EPHA5: variants seen among roughly 807,000 people sequenced by gnomAD.
EPHA5 encodes the protein ephrin type-A receptor 5.
Under a neutral mutation model 105.0 loss-of-function variants are expected in EPHA5, and 60 were observed. That is an observed-to-expected ratio of 0.57 (90% CI 0.46 to 0.71). The LOEUF is 0.71. EPHA5 is among the 30% of genes least tolerant of loss of function. The pLI, the probability that EPHA5 is intolerant of heterozygous loss-of-function variation, is 0.00. For missense variants in EPHA5, 1,218 were observed against 1,274.7 expected (o/e 0.96, Z 0.68); for synonymous variants, 513 against 449.1 (o/e 1.14, Z -1.80).
intron 3 of EPHA5, among the ~76,000 whole-genome samples, chr4:65,508,463 T>C (rs1409233532): frequency 6.6e-6 from 1 of 152,130 alleles, no homozygotes; most frequent in Non-Finnish European, 1.5e-5. Flanking sequence ...ATATCTCTCC[T>C]TGTACTATTG....
At chr4:65,474,289 T>C (rs1729585069) in intron 5 of EPHA5, among the ~76,000 whole-genome samples, 1 of 152,360 alleles carries the variant, frequency 6.6e-6, no homozygotes, top group East Asian at 1.9e-4. Flanking sequence ...CGTCATTTAC[T>C]ATTTTATTAG....
At chr4:65,594,424 C>T (rs774090179) in intron 3 of EPHA5, among the ~76,000 whole-genome samples, 11 of 152,088 alleles carry the variant, frequency 7.2e-5, no homozygotes, top group Non-Finnish European at 1.3e-4. Flanking sequence ...ATGTCATCAT[C>T]ATATAAAACA....
intron 7 of EPHA5, 69 bp from the exon 8 acceptor site, chr4:65,404,548 T>G: frequency 7.7e-7 from 1 of 1,299,200 alleles, no homozygotes. Context: ...AAAAGTTGCT[T>G]AATAGACAGT....
chr4:65,323,978 C>T lies in EPHA5; in HGVS notation c.*136G>A. On this transcript the variant is annotated 3_prime_UTR_variant, in exon 17 of 17. Coordinates refer to ENST00000613740, the MANE Select transcript of EPHA5 (RefSeq NM_001281766.3). Reference sequence around the variant, plus strand: ...TTCAGTAAAACCATGATTACAAATTCTGTGGCTGAGGCAAATGTTTTCTAA... The same window carrying T: ...TTCAGTAAAACCATGATTACAAATTTTGTGGCTGAGGCAAATGTTTTCTAA... 1 of 584,846 alleles carries T rather than the reference C, an allele frequency of 1.7e-6. No homozygotes were observed. Among genetic ancestry groups the T allele is most frequent in the South Asian group, 2.2e-5 (1 of 45,706 alleles). 36.2% of individuals were successfully genotyped at this position (584,846 alleles called of 1,614,324 possible).
chr4:65,484,079 A>C (rs1473159291), intron 5 of EPHA5, among the ~76,000 whole-genome samples: 1 of 152,166 alleles, frequency 6.6e-6, no homozygotes, highest in Non-Finnish European at 1.5e-5. Context: ...TTCTCCACTA[A>C]AGAGAATCAA....
intron 3 of EPHA5, among the ~76,000 whole-genome samples, chr4:65,523,037 A>C (rs550877204): frequency 6.6e-6 from 1 of 152,072 alleles, no homozygotes; most frequent in East Asian, 1.9e-4. Context: ...AGGATCAGTC[A>C]GTGGAATTAA....
chr4:65,515,683 A>T (rs1195370112), intron 3 of EPHA5, among the ~76,000 whole-genome samples: 1 of 152,136 alleles, frequency 6.6e-6, no homozygotes, highest in Non-Finnish European at 1.5e-5. Flanking sequence ...TTACATTTGC[A>T]AACTCGTGAT....
At chr4:65,478,002 T>A (rs529937029) in intron 5 of EPHA5, among the ~76,000 whole-genome samples, 1 of 152,254 alleles carries the variant, frequency 6.6e-6, no homozygotes, top group East Asian at 1.9e-4. Context: ...AAATATTCTA[T>A]CCCAACCATA....
intron 1 of EPHA5, among the ~76,000 whole-genome samples, chr4:65,645,173 T>C (rs1398243488): frequency 2.0e-5 from 3 of 152,118 alleles, no homozygotes; most frequent in Non-Finnish European, 4.4e-5. Context: ...TTTCCTGATT[T>C]CCATGGGAAT....
At chr4:65,515,755 A>G (rs1022440014) in intron 3 of EPHA5, among the ~76,000 whole-genome samples, 5 of 152,140 alleles carry the variant, frequency 3.3e-5, no homozygotes, top group Non-Finnish European at 7.4e-5. Context: ...GTAAAACATT[A>G]CTTATGAGTG....
intron 3 of EPHA5, among the ~76,000 whole-genome samples, chr4:65,518,835 C>T (rs530612015): frequency 1.7e-4 from 26 of 152,048 alleles, no homozygotes; most frequent in African/African-American, 6.3e-4. Flanking sequence ...AGCCTACCAA[C>T]CAAAAAAAGT....
chr4:65,546,836 T>A (rs578064971), intron 3 of EPHA5, among the ~76,000 whole-genome samples: 2 of 127,748 alleles, frequency 1.6e-5, no homozygotes, highest in African/African-American at 2.9e-5. Flanking sequence ...CAAAAAATGT[T>A]ATTTTCTAAA....
intron 3 of EPHA5, among the ~76,000 whole-genome samples, chr4:65,523,769 G>T (rs1235834961): frequency 6.6e-6 from 1 of 151,864 alleles, no homozygotes; most frequent in Non-Finnish European, 1.5e-5. Flanking sequence ...AGCATCTCCT[G>T]AGTAAAAGAC....
At chr4:65,373,440 T>TAAAATAATTAATGTAAAGTGTGTATG (rs1718687218) in intron 8 of EPHA5, among the ~76,000 whole-genome samples, 1 of 151,900 alleles carries the variant, frequency 6.6e-6, no homozygotes, top group Non-Finnish European at 1.5e-5. Context: ...TAAAGATGAA[T>TAAAATAATTAATGTAAAGTGTGTATG]AAAATAATTA....
intron 8 of EPHA5, among the ~76,000 whole-genome samples, chr4:65,395,536 A>G (rs1233276423): frequency 6.6e-6 from 1 of 152,150 alleles, no homozygotes; most frequent in Non-Finnish European, 1.5e-5. Context: ...TGTTTCTCTA[A>G]TTTCTACATG....
chr4:65,371,169 A>G (rs1190309090), intron 8 of EPHA5, among the ~76,000 whole-genome samples: 1 of 152,040 alleles, frequency 6.6e-6, no homozygotes, highest in Admixed American at 6.6e-5. Flanking sequence ...AAATTATTTT[A>G]CTAAAAACAT....
chr4:65,366,309 C>T (rs903616290), intron 9 of EPHA5, among the ~76,000 whole-genome samples: 2 of 151,744 alleles, frequency 1.3e-5, no homozygotes, highest in African/African-American at 4.8e-5. Flanking sequence ...AATCATAATA[C>T]TTAGAAAGTC....
intron 4 of EPHA5, 61 bp from the exon 5 acceptor site, chr4:65,490,773 T>C: frequency 6.7e-7 from 1 of 1,497,978 alleles, no homozygotes; most frequent in South Asian, 1.3e-5. Flanking sequence ...AGGCATTATT[T>C]ATCACACCAA....
intron 14 of EPHA5, among the ~76,000 whole-genome samples, chr4:65,347,616 A>G (rs1294703716): frequency 6.6e-6 from 1 of 152,318 alleles, no homozygotes; most frequent in South Asian, 2.1e-4. Flanking sequence ...ATTTAAAGAA[A>G]CGTAGACTAT....
Sources: allele counts gnomAD v4.1 joint callset (sites outside exome capture counted in the v4.1 genomes callset), GRCh38; gene constraint gnomAD v4.1.1; transcripts MANE v1.5; gene names NCBI Gene and HGNC (gene_info 2026-07-23, HGNC 2026-07-21).